CENPP: variants seen among roughly 807,000 people sequenced by gnomAD.
The protein encoded by CENPP is centromere protein P.
Under a neutral mutation model 35.6 loss-of-function variants are expected in CENPP, and 24 were observed. The observed-to-expected ratio is 0.67, with a 90% CI of 0.49 to 0.95. The LOEUF is 0.95. Among genes scored for constraint, CENPP ranks in the 40% least tolerant of loss-of-function variants. The probability of loss-of-function intolerance (pLI) is 0.00; values close to 1 mark genes in which losing one functional copy is unlikely to be tolerated. For synonymous variants in CENPP, 120 were observed against 125.5 expected, an observed-to-expected ratio of 0.96 and a Z score of 0.29; for missense variants, 332 against 345.3, an observed-to-expected ratio of 0.96 and a Z score of 0.31.
At chr9:92,379,740 C>T (rs2130867115) in intron 4 of CENPP, 23 bp from the exon 5 acceptor site, 1 of 1,489,458 alleles carries the variant, frequency 6.7e-7, no homozygotes, top group Non-Finnish European at 9.3e-7. Flanking sequence ...ATTTATTAAT[C>T]AGAGAATCAT....
intron 5 of CENPP, among the ~76,000 whole-genome samples, chr9:92,596,189 A>C (rs1440082992): frequency 2.0e-5 from 3 of 152,106 alleles, no homozygotes; most frequent in African/African-American, 7.2e-5. Flanking sequence ...GCTGGAATGC[A>C]GTGGTGTGAT....
intron 5 of CENPP, among the ~76,000 whole-genome samples, chr9:92,597,537 A>C (rs976407444): frequency 3.3e-5 from 5 of 152,224 alleles, no homozygotes; most frequent in Admixed American, 2.6e-4. Flanking sequence ...TATCTGGAAT[A>C]TTACTTTCAT....
chr9:92,586,002 T>C (rs1280830822), intron 5 of CENPP, among the ~76,000 whole-genome samples: 2 of 152,166 alleles, frequency 1.3e-5, no homozygotes, highest in Non-Finnish European at 2.9e-5. Context: ...CACCCCCTCA[T>C]GAGTTGGAGT....
At chr9:92,499,488 G>C (rs994095303) in intron 5 of CENPP, among the ~76,000 whole-genome samples, 1 of 152,168 alleles carries the variant, frequency 6.6e-6, no homozygotes, top group African/African-American at 2.4e-5. Flanking sequence ...TGAAACCATT[G>C]GTTCAATGAT....
chr9:92,619,028 A>AT lies in CENPP; in HGVS notation c.*5879_*5880insT, dbSNP rs763513212. The AT allele has an allele frequency of 7.0e-5, 16 of 229,940 alleles. No individual in the cohort carries two copies. The highest frequency in any genetic ancestry group is 1.3e-4 in the Non-Finnish European group (15 of 115,092). The allele number at this position is 229,940 out of a possible 1,614,324, so 14.2% of individuals were successfully genotyped here. A position where few individuals can be genotyped will look rare whatever the true frequency, so the allele number is the denominator to read the frequency against. On this transcript the variant is annotated 3_prime_UTR_variant, in exon 8 of 8. Coordinates refer to ENST00000375587, the MANE Select transcript of CENPP (RefSeq NM_001012267.3). ...GGGGCGGCACATAGGCTGGTTATTC[A>AT]GAAGAGGAAGCAGAATGAATGCGCG...
intron 4 of CENPP, among the ~76,000 whole-genome samples, chr9:92,352,023 CT>C (rs113545279): frequency 0.05 from 6,573 of 132,416 alleles, 298 homozygotes; most frequent in African/African-American, 0.12. Flanking sequence ...TTTTCTTTTC[CT>C]TTTTTTTTTT....
chr9:92,448,751 G>A (rs919507028), intron 5 of CENPP, among the ~76,000 whole-genome samples: 20 of 152,136 alleles, frequency 1.3e-4, no homozygotes, highest in African/African-American at 3.4e-4. Context: ...CAATAGTTAC[G>A]TTATTTCCAG....
chr9:92,523,572 C>T (rs1848207291), intron 5 of CENPP, among the ~76,000 whole-genome samples: 1 of 152,204 alleles, frequency 6.6e-6, no homozygotes, highest in Non-Finnish European at 1.5e-5. Context: ...TTATTGAGTA[C>T]AATCACTTAG....
chr9:92,516,333 G>A (rs909428238), intron 5 of CENPP, among the ~76,000 whole-genome samples: 1 of 152,158 alleles, frequency 6.6e-6, no homozygotes, highest in South Asian at 2.1e-4. Flanking sequence ...AAAGTGCTGG[G>A]ATTACAGGTG....
chr9:92,483,421 T>C (rs1845975141), intron 5 of CENPP, among the ~76,000 whole-genome samples: 1 of 151,952 alleles, frequency 6.6e-6, no homozygotes, highest in Non-Finnish European at 1.5e-5. Flanking sequence ...ATAGAGACAG[T>C]GTTTCATTGT....
chr9:92,615,777 C>G lies in CENPP; in HGVS notation c.*2628C>G, dbSNP rs1851409466. ...TCACCCAACACAACAGAAAATATCTCTATCATTCAGCCTTCACATTATGTT... is the reference window on the plus strand; with the variant it reads ...TCACCCAACACAACAGAAAATATCTGTATCATTCAGCCTTCACATTATGTT... On this transcript the variant is annotated 3_prime_UTR_variant, in exon 8 of 8. Coordinates refer to ENST00000375587, the MANE Select transcript of CENPP (RefSeq NM_001012267.3). 1 of 1,396,760 alleles carries G rather than the reference C, an allele frequency of 7.2e-7. No homozygotes were observed. The highest frequency in any genetic ancestry group is 1.7e-5 in the Admixed American group (1 of 58,866). The allele number at this position is 1,396,760 out of a possible 1,614,324, so 86.5% of individuals were successfully genotyped here.
Position 92,343,962 on chromosome 9 carries a change from C to CAA in CENPP, c.379-1714_379-1713dup, listed in dbSNP as rs35920973. Among the ~76,000 whole-genome samples, 406 of 60,456 alleles carry CAA rather than the reference C, an allele frequency of 6.7e-3. 2 individuals are homozygous for CAA. Among genetic ancestry groups the CAA allele is most frequent in the African/African-American group, 0.018 (268 of 15,172 alleles). The allele number at this position is 60,456 out of a possible 152,430, so 39.7% of individuals were successfully genotyped here. A position where few individuals can be genotyped will look rare whatever the true frequency, so the allele number is the denominator to read the frequency against. On this transcript the variant is annotated intron_variant, in intron 3 of 7. Transcript: ENST00000375587. ...TGGGCAATAGAGCAAAACCCTGTCT[C>CAA]AAAAAAAAAAAAAAAAAAAAAAAAG...
At chr9:92,565,171 A>G (rs998386256) in intron 5 of CENPP, among the ~76,000 whole-genome samples, 1 of 151,940 alleles carries the variant, frequency 6.6e-6, no homozygotes, top group Non-Finnish European at 1.5e-5. Context: ...TCTGGAGTCT[A>G]TTCAACTCTT....
At position 92,523,461 on chromosome 9, in the gene CENPP, GGAAGA is replaced by G. The variant is rs1461049130; in HGVS notation, c.565-87845_565-87841del. 4.6e-5 allele frequency among the ~76,000 whole-genome samples: 7 copies of G among 152,216 alleles called. No homozygotes were observed. In the East Asian group the frequency reaches 1.4e-3, roughly 29 times the overall value. The stretch of plus-strand genomic sequence containing the variant: ...GTACCCAAAGCCCTGTGGCAACAAA[GGAAGA>G]GAAGAGACAGGTTAAGAGTTCATAA... On this transcript the variant is annotated intron_variant, in intron 5 of 7. Coordinates refer to ENST00000375587, the MANE Select transcript of CENPP (RefSeq NM_001012267.3).
intron 5 of CENPP, chr9:92,500,916 G>A: frequency 6.2e-7 from 1 of 1,614,160 alleles, no homozygotes; most frequent in Non-Finnish European, 8.5e-7. Context: ...TTCCAGGCCT[G>A]GTTCCATGTG....
intron 5 of CENPP, among the ~76,000 whole-genome samples, chr9:92,604,654 G>A (rs1851023203): frequency 6.6e-6 from 1 of 152,216 alleles, no homozygotes; most frequent in African/African-American, 2.4e-5. Context: ...GAGTACAAGA[G>A]CGTGATCTCA....
At chr9:92,400,673 A>G (rs186884437) in intron 5 of CENPP, among the ~76,000 whole-genome samples, 6 of 152,326 alleles carry the variant, frequency 3.9e-5, no homozygotes, top group African/African-American at 9.6e-5. Flanking sequence ...TTTCATGACA[A>G]GTTTTCTATT....
intron 5 of CENPP, among the ~76,000 whole-genome samples, chr9:92,516,447 T>C (rs747632136): frequency 6.6e-5 from 10 of 152,074 alleles, no homozygotes; most frequent in South Asian, 2.1e-4. Context: ...TATAAACTAC[T>C]CCCAAAAAGA....
intron 5 of CENPP, among the ~76,000 whole-genome samples, chr9:92,485,158 C>T (rs1846025306): frequency 6.6e-6 from 1 of 152,172 alleles, no homozygotes; most frequent in African/African-American, 2.4e-5. Flanking sequence ...TTATCTCCAC[C>T]CTTTTCCAGG....
Sources: allele counts gnomAD v4.1 joint callset (sites outside exome capture counted in the v4.1 genomes callset), GRCh38; gene constraint gnomAD v4.1.1; transcripts MANE v1.5; gene names NCBI Gene and HGNC (gene_info 2026-07-23, HGNC 2026-07-21).